DPP6: variants seen among roughly 807,000 people sequenced by gnomAD.
DPP6 encodes the protein A-type potassium channel modulatory protein DPP6.
A neutral mutation model predicts 122.6 loss-of-function variants in DPP6; 69 were observed. That is an observed-to-expected ratio of 0.56 (90% CI 0.46 to 0.69). The LOEUF (loss-of-function observed/expected upper bound fraction) is 0.69, where lower values mean the gene tolerates loss of function less well. Ranked by LOEUF, DPP6 falls within the 30% of genes least tolerant of loss-of-function variation. The pLI, the probability that DPP6 is intolerant of heterozygous loss-of-function variation, is 0.00. For synonymous variants in DPP6, 418 were observed against 433.1 expected, an observed-to-expected ratio of 0.97 and a Z score of 0.43; for missense variants, 928 against 1,116.9, an observed-to-expected ratio of 0.83 and a Z score of 2.41.
intron 8 of DPP6, among the ~76,000 whole-genome samples, chr7:154,732,943 T>C (rs761926979): frequency 3.9e-5 from 6 of 152,110 alleles, no homozygotes; most frequent in African/African-American, 1.4e-4. Flanking sequence ...CTGCCAACAA[T>C]ACTCACTTCT....
At chr7:154,058,797 C>T (rs1398312582) in intron 1 of DPP6, 1 of 150,200 alleles carries the variant, frequency 6.7e-6, no homozygotes, top group East Asian at 2.0e-4. Flanking sequence ...GGGGGAGGCA[C>T]CCCCCACGAC....
chr7:153,887,545 G>T, exon 1 of DPP6: 1 of 939,982 alleles, frequency 1.1e-6, no homozygotes, highest in South Asian at 1.5e-5. Context: ...GAAAACTGAA[G>T]ACCTGGAAGA....
upstream of DPP6, among the ~76,000 whole-genome samples, chr7:154,049,583 T>C (rs1800192400): frequency 7.7e-6 from 1 of 129,646 alleles, no homozygotes; most frequent in African/African-American, 2.8e-5. Flanking sequence ...GTATAGAACA[T>C]TTATTTATTT....
intron 1 of DPP6, among the ~76,000 whole-genome samples, chr7:154,336,154 C>T (rs774295973): frequency 7.9e-5 from 12 of 152,164 alleles, no homozygotes; most frequent in Non-Finnish European, 1.3e-4. Context: ...CTCTGAAATG[C>T]AGCGTGGCAC....
intron 3 of DPP6, among the ~76,000 whole-genome samples, chr7:154,498,558 G>T (rs1055341738): frequency 6.6e-6 from 1 of 151,988 alleles, no homozygotes; most frequent in African/African-American, 2.4e-5. Flanking sequence ...GGCTGGTCTC[G>T]AACTCCTGAC....
At chr7:153,940,242 T>G (rs1249390232) in intron 1 of DPP6, among the ~76,000 whole-genome samples, 3 of 152,268 alleles carry the variant, frequency 2.0e-5, no homozygotes, top group African/African-American at 7.2e-5. Context: ...CAGCACTTCC[T>G]TCCAAACCAG....
chr7:154,395,685 CAT>C (rs1310329215), intron 1 of DPP6, among the ~76,000 whole-genome samples: 1 of 152,020 alleles, frequency 6.6e-6, no homozygotes, highest in East Asian at 1.9e-4. Context: ...AAAATTGTAT[CAT>C]GTGTAAACAG....
In DPP6 at chr7:153,999,036, G is replaced by A. The variant is rs1437515199; in HGVS notation, c.51+111302G>A. ...GCTGGCCGATGACTGATTCCTTCCAGGTGAAGCGCTAAGCCCCATCATGCC... is the reference window on the plus strand; with the variant it reads ...GCTGGCCGATGACTGATTCCTTCCAAGTGAAGCGCTAAGCCCCATCATGCC... On this transcript the variant is annotated intron_variant, in intron 1 of 25. Transcript: ENST00000404039. 2.0e-5 allele frequency among the ~76,000 whole-genome samples: 3 copies of A among 152,336 alleles called. No homozygotes were observed. The East Asian group carries it at 5.8e-4, about 29-fold the overall frequency.
chr7:154,306,714 T>C (rs1352520073), intron 1 of DPP6, among the ~76,000 whole-genome samples: 5 of 152,202 alleles, frequency 3.3e-5, no homozygotes, highest in Admixed American at 2.6e-4. Flanking sequence ...ATCATTATCA[T>C]CATCTAAAGA....
intron 1 of DPP6, among the ~76,000 whole-genome samples, chr7:153,941,426 C>G (rs917157284): frequency 2.0e-5 from 3 of 152,166 alleles, no homozygotes; most frequent in African/African-American, 4.8e-5. Context: ...GCAGAGATTC[C>G]TGGGCCCCTC....
chr7:154,185,068 C>G (rs1464676032), intron 1 of DPP6, among the ~76,000 whole-genome samples: 3 of 152,170 alleles, frequency 2.0e-5, no homozygotes, highest in Non-Finnish European at 4.4e-5. Context: ...TCTCTAGTCT[C>G]TCAGAAGCCC....
chr7:153,962,026 A>G (rs1288314951), intron 1 of DPP6, among the ~76,000 whole-genome samples: 2 of 148,676 alleles, frequency 1.3e-5, no homozygotes, highest in African/African-American at 2.5e-5. Flanking sequence ...AGCACAGACT[A>G]CACTGCAGAG....
chr7:153,817,752 A>G, the DPP6 span, among the ~76,000 whole-genome samples: 1 of 115,474 alleles, frequency 8.7e-6, no homozygotes, highest in African/African-American at 3.4e-5. Context: ...AACATCACAC[A>G]CCAGGGCCTG....
intron 1 of DPP6, among the ~76,000 whole-genome samples, chr7:154,300,040 A>C (rs1226241186): frequency 6.6e-6 from 1 of 152,246 alleles, no homozygotes; most frequent in South Asian, 2.1e-4. Flanking sequence ...GCACCTGCAC[A>C]GGACTGATTG....
chr7:153,868,488 G>A, the DPP6 span, among the ~76,000 whole-genome samples: 301 of 152,126 alleles, frequency 2.0e-3, 1 homozygote, highest in African/African-American at 6.8e-3. Flanking sequence ...CTGTGGGATC[G>A]GTGGTGATAT....
intron 1 of DPP6, among the ~76,000 whole-genome samples, chr7:153,948,766 A>G (rs1802066950): frequency 6.7e-6 from 1 of 149,104 alleles, no homozygotes; most frequent in Non-Finnish European, 1.5e-5. Flanking sequence ...CCCCGAGAAC[A>G]GTAACTGCGA....
intron 1 of DPP6, among the ~76,000 whole-genome samples, chr7:154,053,339 C>G (rs931151159): frequency 6.6e-5 from 10 of 152,130 alleles, no homozygotes; most frequent in African/African-American, 2.4e-4. Context: ...TGGAATTCGC[C>G]TTACGTTCCC....
At chr7:154,406,265 G>A (rs1816080835) in intron 1 of DPP6, among the ~76,000 whole-genome samples, 1 of 152,146 alleles carries the variant, frequency 6.6e-6, no homozygotes, top group African/African-American at 2.4e-5. Flanking sequence ...GTTTTCAAAA[G>A]CAGATAAACA....
chr7:154,042,037 G>A (rs1355826692), intron 1 of DPP6, among the ~76,000 whole-genome samples: 6 of 152,154 alleles, frequency 3.9e-5, no homozygotes, highest in South Asian at 2.1e-4. Flanking sequence ...GATTACAGGC[G>A]TGAGCCACGG....
Sources: allele counts gnomAD v4.1 joint callset (sites outside exome capture counted in the v4.1 genomes callset), GRCh38; gene constraint gnomAD v4.1.1; transcripts MANE v1.5; gene names NCBI Gene and HGNC (gene_info 2026-07-23, HGNC 2026-07-21).